PDE8B: variants seen among roughly 807,000 people sequenced by gnomAD.
PDE8B encodes the protein high affinity cAMP-specific and IBMX-insensitive 3',5'-cyclic phosphodiesterase 8B.
PDE8B carries 26 observed loss-of-function variants against 101.3 expected under a neutral mutation model. That is an observed-to-expected ratio of 0.26 (90% CI 0.19 to 0.36). The LOEUF (loss-of-function observed/expected upper bound fraction) is 0.36, where lower values mean the gene tolerates loss of function less well. Ranked by LOEUF, PDE8B falls within the 10% of genes least tolerant of loss-of-function variation. PDE8B has a pLI of 1.00. For synonymous variants in PDE8B, 424 were observed against 429.3 expected (o/e 0.99, Z 0.15); for missense variants, 810 against 1,163.1 (o/e 0.70, Z 4.42).
intron 2 of PDE8B, among the ~76,000 whole-genome samples, chr5:77,315,267 G>A (rs923909106): frequency 2.0e-5 from 3 of 152,118 alleles, no homozygotes; most frequent in Non-Finnish European, 4.4e-5. Flanking sequence ...TTCTTCTAGA[G>A]ACTTTATTGT....
At chr5:77,165,954 A>C in the PDE8B span, among the ~76,000 whole-genome samples, 3 of 148,630 alleles carry the variant, frequency 2.0e-5, no homozygotes, top group Non-Finnish European at 4.5e-5. Context: ...CAGTGAGCTG[A>C]GATCGTGAGT....
At chr5:77,361,490 A>G (rs764666503) in intron 10 of PDE8B, among the ~76,000 whole-genome samples, 4 of 151,260 alleles carry the variant, frequency 2.6e-5, no homozygotes, top group African/African-American at 7.3e-5. Context: ...TTCTATGTAC[A>G]CCTTTGTTAT....
chr5:77,115,977 C>T, the PDE8B span, among the ~76,000 whole-genome samples: 1 of 152,008 alleles, frequency 6.6e-6, no homozygotes, highest in Non-Finnish European at 1.5e-5. Context: ...TTTTATTTTA[C>T]TGTAATGCAT....
chr5:77,150,023 C>G, the PDE8B span, among the ~76,000 whole-genome samples: 17 of 152,198 alleles, frequency 1.1e-4, no homozygotes, highest in Non-Finnish European at 2.1e-4. Flanking sequence ...TTCTTCCAGA[C>G]ACTCTTGCTA....
intron 17 of PDE8B, among the ~76,000 whole-genome samples, chr5:77,413,542 T>A (rs1794960311): frequency 6.6e-6 from 1 of 152,166 alleles, no homozygotes; most frequent in Non-Finnish European, 1.5e-5. Context: ...TAGAGACTCC[T>A]TTATATGCAT....
intron 1 of PDE8B, among the ~76,000 whole-genome samples, chr5:77,299,823 T>G (rs563583376): frequency 6.6e-6 from 1 of 152,146 alleles, no homozygotes; most frequent in Non-Finnish European, 1.5e-5. Context: ...GTATTTCTAG[T>G]TCTAGATCCC....
rs182702428 is a variant in PDE8B at position 77,339,710 on chromosome 5, C to A, written c.797+2395C>A. Among the ~76,000 whole-genome samples the A allele has an allele frequency of 1.3e-3, 205 of 152,102 alleles. 1 individual carries two copies. Among genetic ancestry groups the A allele is most frequent in the Non-Finnish European group, 2.3e-3 (159 of 67,996 alleles). Reference sequence around the variant, plus strand: ...AATACTTTCCCCTACAATTCCGCCCCCAGCTGCAGCTAAATATGTATCATT... The same window carrying A: ...AATACTTTCCCCTACAATTCCGCCCACAGCTGCAGCTAAATATGTATCATT... On this transcript the variant is annotated intron_variant, in intron 6 of 21. Coordinates refer to ENST00000264917, the MANE Select transcript of PDE8B (RefSeq NM_003719.5).
intron 1 of PDE8B, among the ~76,000 whole-genome samples, chr5:77,260,183 G>GAAAAAAAAAA (rs201206456): frequency 7.4e-6 from 1 of 135,174 alleles, no homozygotes; most frequent in Non-Finnish European, 1.6e-5. Context: ...AGAAAAAAAA[G>GAAAAAAAAAA]AAAAAAAAAA....
chr5:77,276,192 A>G (rs945190959), intron 1 of PDE8B, among the ~76,000 whole-genome samples: 8 of 152,304 alleles, frequency 5.3e-5, no homozygotes, highest in Non-Finnish European at 1.2e-4. Context: ...ATGGCATTGC[A>G]CTGATGTCCT....
intron 1 of PDE8B, among the ~76,000 whole-genome samples, chr5:77,277,798 A>T (rs2149821774): frequency 6.6e-6 from 1 of 152,324 alleles, no homozygotes; most frequent in East Asian, 1.9e-4. Flanking sequence ...CTTCCCAGTG[A>T]GCAAATTTTT....
At chr5:77,301,308 A>T (rs1055191209) in intron 1 of PDE8B, among the ~76,000 whole-genome samples, 10 of 152,220 alleles carry the variant, frequency 6.6e-5, no homozygotes, top group African/African-American at 9.6e-5. Context: ...AATCCACAGG[A>T]AATCTCTAAA....
At chr5:77,295,755 C>G (rs1308479125) in intron 1 of PDE8B, among the ~76,000 whole-genome samples, 1 of 152,186 alleles carries the variant, frequency 6.6e-6, no homozygotes, top group Non-Finnish European at 1.5e-5. Context: ...GCTCACCTAA[C>G]TGAAAAATCC....
chr5:77,310,953 T>C (rs972051399), intron 1 of PDE8B, among the ~76,000 whole-genome samples: 15 of 152,186 alleles, frequency 9.9e-5, no homozygotes, highest in Non-Finnish European at 2.9e-5. Context: ...CAAAGTATAA[T>C]GTAAAGAAAG....
At chr5:77,108,074 C>T in the PDE8B span, among the ~76,000 whole-genome samples, 2 of 152,122 alleles carry the variant, frequency 1.3e-5, no homozygotes, top group Non-Finnish European at 2.9e-5. Context: ...ATTTACACTG[C>T]AGAGTCCAAA....
intron 1 of PDE8B, among the ~76,000 whole-genome samples, chr5:77,259,079 C>CG (rs1561428902): frequency 1.3e-5 from 1 of 78,488 alleles, no homozygotes; most frequent in South Asian, 7.4e-4. Flanking sequence ...CCCCCGCCCC[C>CG]CCCCCACACA....
At chr5:77,321,710 T>C (rs1296339166) in intron 2 of PDE8B, among the ~76,000 whole-genome samples, 1 of 152,242 alleles carries the variant, frequency 6.6e-6, no homozygotes, top group African/African-American at 2.4e-5. Flanking sequence ...CCATAAATTT[T>C]CACTTTGCTT....
At chr5:77,285,630 A>G (rs1765852328) in intron 1 of PDE8B, among the ~76,000 whole-genome samples, 2 of 151,940 alleles carry the variant, frequency 1.3e-5, no homozygotes, top group South Asian at 4.2e-4. Context: ...ATCTGTAAAT[A>G]TATGCCATTC....
chr5:77,174,198 C>T, the PDE8B span, among the ~76,000 whole-genome samples: 1 of 152,190 alleles, frequency 6.6e-6, no homozygotes, highest in South Asian at 2.1e-4. Context: ...TGTGTTTCTT[C>T]TTACCTATTA....
the PDE8B span, among the ~76,000 whole-genome samples, chr5:77,121,786 G>A: frequency 6.6e-6 from 1 of 152,210 alleles, no homozygotes; most frequent in Admixed American, 6.5e-5. Context: ...GATTACAGGT[G>A]TGAGCTACCG....
Sources: gnomAD v4.1 joint callset for allele counts (sites outside exome capture counted in the v4.1 genomes callset) on GRCh38, gnomAD v4.1.1 for gene constraint, MANE v1.5 for transcripts, NCBI Gene and HGNC (gene_info 2026-07-23, HGNC 2026-07-21) for gene names.